Variants in TYW1B observed in about 807,000 individuals in gnomAD.
The protein encoded by TYW1B is tRNA-yW synthesizing protein 1 homolog B.
Under a neutral mutation model 86.9 loss-of-function variants are expected in TYW1B, and 73 were observed. The observed-to-expected ratio is 0.84, with a 90% CI of 0.70 to 1.02. The LOEUF (loss-of-function observed/expected upper bound fraction) is 1.02, where lower values mean the gene tolerates loss of function less well. Ranked by LOEUF, TYW1B falls within the 50% of genes least tolerant of loss-of-function variation. TYW1B has a pLI of 0.00. For synonymous variants in TYW1B, 248 were observed against 292.8 expected, an observed-to-expected ratio of 0.85 and a Z score of 1.56; for missense variants, 637 against 827.4, an observed-to-expected ratio of 0.77 and a Z score of 2.82.
rs1484254879 is a variant in TYW1B at position 72,774,376 on chromosome 7, CA to C, written c.964+3039del. ...ATTTCAAAGTAACTTAACCTTGTCCCAGGGGAAAAAAAAAAAAAAAAAAGCT... is the reference window on the plus strand; with the variant it reads ...ATTTCAAAGTAACTTAACCTTGTCCCGGGGAAAAAAAAAAAAAAAAAAGCT... On this transcript the variant is annotated intron_variant, in intron 7 of 13. Transcript: ENST00000620995. Among the ~76,000 whole-genome samples, 9 of 92,878 alleles carry C rather than the reference CA, an allele frequency of 9.7e-5. No individual in the cohort carries two copies. The East Asian group carries it at 2.1e-3, about 22-fold the overall frequency. The allele number at this position is 92,878 out of a possible 152,430, so 60.9% of individuals were successfully genotyped here.
At chr7:72,627,705 A>T (rs1278334934) in intron 12 of TYW1B, among the ~76,000 whole-genome samples, 1 of 152,146 alleles carries the variant, frequency 6.6e-6, no homozygotes, top group South Asian at 2.1e-4. Flanking sequence ...TGGAGTATAC[A>T]GGACCACCAG....
At chr7:72,737,055 T>C (rs1185426024) in intron 8 of TYW1B, among the ~76,000 whole-genome samples, 1 of 152,172 alleles carries the variant, frequency 6.6e-6, no homozygotes, top group African/African-American at 2.4e-5. Context: ...CCCACTGTCA[T>C]ATACAGAACC....
chr7:72,747,740 T>C (rs1380711841), intron 7 of TYW1B, among the ~76,000 whole-genome samples: 5 of 152,226 alleles, frequency 3.3e-5, no homozygotes, highest in African/African-American at 1.2e-4. Flanking sequence ...AAGAACTGCA[T>C]TCAACCTACA....
At chr7:72,775,217 G>A (rs1787934265) in intron 7 of TYW1B, among the ~76,000 whole-genome samples, 1 of 152,078 alleles carries the variant, frequency 6.6e-6, no homozygotes, top group South Asian at 2.1e-4. Flanking sequence ...TAGTCTTCTA[G>A]GAAGCAAGTG....
chr7:72,607,383 TTCTG>T (rs1811824502), intron 13 of TYW1B, among the ~76,000 whole-genome samples: 1 of 120,882 alleles, frequency 8.3e-6, no homozygotes, highest in Non-Finnish European at 1.7e-5. Context: ...CAGAGTGAGA[TTCTG>T]TCTCTCAAAA....
At chr7:72,612,029 CTCT>C (rs1389658786) in intron 13 of TYW1B, among the ~76,000 whole-genome samples, 1 of 152,086 alleles carries the variant, frequency 6.6e-6, no homozygotes, top group East Asian at 1.9e-4. Context: ...TCCCTCTCTT[CTCT>C]TCTTCTCTTT....
intron 10 of TYW1B, 105 bp downstream of exon 10, chr7:72,713,516 G>C (rs1786717701): frequency 8.5e-7 from 1 of 1,176,638 alleles, no homozygotes; most frequent in African/African-American, 1.6e-5. Context: ...TTTGTATGTA[G>C]TAAGTAATCA....
At chr7:72,725,249 A>G (rs561314691) in intron 9 of TYW1B, among the ~76,000 whole-genome samples, 50 of 152,300 alleles carry the variant, frequency 3.3e-4, no homozygotes, top group African/African-American at 1.1e-3. Flanking sequence ...CCAAACTCAG[A>G]TCGTCATTCT....
intron 11 of TYW1B, among the ~76,000 whole-genome samples, chr7:72,663,675 A>C (rs1214959149): frequency 1.3e-5 from 2 of 149,684 alleles, no homozygotes; most frequent in Non-Finnish European, 3.0e-5. Flanking sequence ...GAGGCAGGAG[A>C]ATGGCGTGAA....
At chr7:72,642,185 C>A (rs1421057103) in intron 11 of TYW1B, among the ~76,000 whole-genome samples, 1 of 152,146 alleles carries the variant, frequency 6.6e-6, no homozygotes, top group Non-Finnish European at 1.5e-5. Flanking sequence ...GGCAAATGAA[C>A]CTCTCACATT....
chr7:72,589,633 T>C (rs1345776831), intron 13 of TYW1B, among the ~76,000 whole-genome samples: 1 of 152,156 alleles, frequency 6.6e-6, no homozygotes, highest in African/African-American at 2.4e-5. Flanking sequence ...TCCCAGCATG[T>C]TGGGAGGCCA....
intron 7 of TYW1B, among the ~76,000 whole-genome samples, chr7:72,758,093 G>A (rs756757845): frequency 5.3e-5 from 8 of 152,042 alleles, no homozygotes; most frequent in Non-Finnish European, 8.8e-5. Context: ...GGTGGCGTGC[G>A]CCTGTAATCC....
intron 11 of TYW1B, among the ~76,000 whole-genome samples, chr7:72,678,686 C>A (rs1263389519): frequency 7.3e-6 from 1 of 136,220 alleles, no homozygotes. Context: ...GGACAACAGG[C>A]GCGCATCATC....
At chr7:72,793,803 G>T (rs1788261199) in intron 6 of TYW1B, among the ~76,000 whole-genome samples, 1 of 151,616 alleles carries the variant, frequency 6.6e-6, no homozygotes, top group East Asian at 1.9e-4. Flanking sequence ...TGAAAGAGTA[G>T]AGAGCATGGA....
intron 6 of TYW1B, among the ~76,000 whole-genome samples, chr7:72,785,097 T>C (rs1453742419): frequency 2.0e-5 from 3 of 151,938 alleles, no homozygotes; most frequent in Non-Finnish European, 2.9e-5. Flanking sequence ...AACATTCCAG[T>C]GTTTCAAACT....
chr7:72,705,414 A>T (rs1222319958), intron 10 of TYW1B, among the ~76,000 whole-genome samples: 2 of 152,212 alleles, frequency 1.3e-5, no homozygotes, highest in African/African-American at 4.8e-5. Flanking sequence ...AAGGTGTTCG[A>T]AAGTAAATGT....
chr7:72,747,995 GCA>G (rs1351692458), intron 7 of TYW1B, among the ~76,000 whole-genome samples: 1 of 152,150 alleles, frequency 6.6e-6, no homozygotes, highest in Non-Finnish European at 1.5e-5. Flanking sequence ...ATACAGCCGG[GCA>G]CAGTGGCTCA....
At chr7:72,698,199 G>A (rs1476180285) in intron 10 of TYW1B, among the ~76,000 whole-genome samples, 6 of 152,118 alleles carry the variant, frequency 3.9e-5, no homozygotes, top group Admixed American at 1.3e-4. Flanking sequence ...ACCACTCACC[G>A]AGCTGGCACA....
At chr7:72,775,294 T>C (rs1311120885) in intron 7 of TYW1B, among the ~76,000 whole-genome samples, 6 of 152,018 alleles carry the variant, frequency 3.9e-5, no homozygotes, top group African/African-American at 1.4e-4. Context: ...ATGAAGACCA[T>C]AAATCCACAA....
Sources: allele counts gnomAD v4.1 joint callset (sites outside exome capture counted in the v4.1 genomes callset), GRCh38; gene constraint gnomAD v4.1.1; transcripts MANE v1.5; gene names NCBI Gene and HGNC (gene_info 2026-07-23, HGNC 2026-07-21).